ZNF398: variants seen among roughly 807,000 people sequenced by gnomAD.
ZNF398 encodes the protein zinc finger DNA binding protein ZER6.
Under a neutral mutation model 41.9 loss-of-function variants are expected in ZNF398, and 18 were observed. The observed-to-expected ratio is 0.43, with a 90% CI of 0.30 to 0.64. The LOEUF (loss-of-function observed/expected upper bound fraction) is 0.64. Ranked by LOEUF, ZNF398 falls within the 30% of genes least tolerant of loss-of-function variation. The pLI is 0.14. For synonymous variants in ZNF398, 260 were observed against 308.8 expected (o/e 0.84, Z 1.66); for missense variants, 669 against 822.8 (o/e 0.81, Z 2.29).
intron 4 of ZNF398, among the ~76,000 whole-genome samples, chr7:149,173,607 G>A (rs1795396556): frequency 6.6e-6 from 1 of 152,048 alleles, no homozygotes. Flanking sequence ...CAGAGCTTGT[G>A]GGTGACCAGG....
intron 2 of ZNF398, among the ~76,000 whole-genome samples, chr7:149,163,107 A>G (rs1795144933): frequency 6.6e-6 from 1 of 152,250 alleles, no homozygotes; most frequent in African/African-American, 2.4e-5. Context: ...AGTTACAGTC[A>G]GGTCCCAGTA....
chr7:149,157,069 T>G (rs1794995555), intron 2 of ZNF398, among the ~76,000 whole-genome samples: 1 of 152,128 alleles, frequency 6.6e-6, no homozygotes, highest in South Asian at 2.1e-4. Context: ...GTTTACTGTC[T>G]CAGGCTTTCG....
At chr7:149,128,780 T>TAAAATAAAATAAAATAAAATAATATAATA (rs71192757) in intron 1 of ZNF398, 1 of 143,420 alleles carries the variant, frequency 7.0e-6, no homozygotes, top group Non-Finnish European at 1.5e-5. Flanking sequence ...TAAAATAAAA[T>TAAAATAAAATAAAATAAAATAATATAATA]TATATATATA....
chr7:149,148,861 G>GTTTTTT (rs1585513329), intron 1 of ZNF398, among the ~76,000 whole-genome samples: 1 of 29,854 alleles, frequency 3.3e-5, no homozygotes, highest in Non-Finnish European at 7.5e-5. Flanking sequence ...CTTTTTCTTT[G>GTTTTTT]TCTTTTTTTT....
chr7:149,161,111 C>G (rs1026762283), intron 2 of ZNF398, among the ~76,000 whole-genome samples: 5 of 152,160 alleles, frequency 3.3e-5, no homozygotes, highest in Non-Finnish European at 7.3e-5. Flanking sequence ...TGCCTTCTCC[C>G]TGTCCCACCA....
upstream of ZNF398, among the ~76,000 whole-genome samples, chr7:149,145,380 GC>G (rs1826912807): frequency 6.6e-6 from 1 of 152,024 alleles, no homozygotes; most frequent in Non-Finnish European, 1.5e-5. Flanking sequence ...CTGCACTTCG[GC>G]CTACTTCCTT....
intron 2 of ZNF398, among the ~76,000 whole-genome samples, chr7:149,158,502 A>G (rs1432416310): frequency 6.6e-6 from 1 of 152,190 alleles, no homozygotes; most frequent in South Asian, 2.1e-4. Context: ...TTGTTTGTGC[A>G]TCTGGAGCTC....
chr7:149,176,551 G>A lies in ZNF398; in HGVS notation c.745G>A (p.Glu249Lys). ...GGTTGGGGCCCCACCGGAGTCCAAG[G>A]AGAGTGACGTGTACAAAAGCACTTA... Reference protein sequence around the residue: ...PQVGAPPESKESDVYKSTYAD... With the variant: ...PQVGAPPESKKSDVYKSTYAD... The change falls in exon 5 of 6, where the codon GAG becomes AAG. Residue 249 changes from glutamate to lysine, a missense_variant. By Grantham distance (56) the Glu-to-Lys change is moderately conservative. Around this residue, in one of 3 missense-constraint regions of ZNF398, gnomAD observed 290 missense variants for 292.9 expected, o/e 0.99. Transcript: ENST00000475153. The A allele has an allele frequency of 6.2e-7, 1 of 1,611,470 alleles. No homozygotes were observed. The highest frequency in any genetic ancestry group is 8.5e-7 in the Non-Finnish European group (1 of 1,179,282).
intron 2 of ZNF398, among the ~76,000 whole-genome samples, chr7:149,159,281 A>T (rs1047166296): frequency 6.6e-6 from 1 of 151,948 alleles, no homozygotes; most frequent in Non-Finnish European, 1.5e-5. Context: ...AATGCATTTG[A>T]TTCTAGTCAA....
At chr7:149,149,094 A>G (rs1336988945) in intron 1 of ZNF398, among the ~76,000 whole-genome samples, 1 of 151,800 alleles carries the variant, frequency 6.6e-6, no homozygotes, top group Non-Finnish European at 1.5e-5. Context: ...ACTTGAGTCC[A>G]GGAGTTCGAG....
At chr7:149,142,128 C>T (rs890742809) in intron 2 of ZNF398, among the ~76,000 whole-genome samples, 2 of 152,008 alleles carry the variant, frequency 1.3e-5, no homozygotes, top group Non-Finnish European at 2.9e-5. Flanking sequence ...GTTTTTAGAG[C>T]TTGTAGAGAT....
chr7:149,148,863 C>CTTTTTTTTTTTTTTTTTTTTTTTT lies in ZNF398; in HGVS notation c.24+1102_24+1125dup, dbSNP rs59895177. On this transcript the variant is annotated intron_variant, in intron 1 of 5. Coordinates refer to ENST00000475153, the MANE Select transcript of ZNF398 (RefSeq NM_170686.3). ...TTTATGCACGGACCTTTTTCTTTGT[C>CTTTTTTTTTTTTTTTTTTTTTTTT]TTTTTTTTTTTTTTTTTTTTTTTTT... is the stretch of plus-strand genomic sequence containing the variant. Among the ~76,000 whole-genome samples, 12 of 63,280 alleles carry CTTTTTTTTTTTTTTTTTTTTTTTT rather than the reference C, an allele frequency of 1.9e-4. 3 individuals are homozygous for CTTTTTTTTTTTTTTTTTTTTTTTT. Among genetic ancestry groups the CTTTTTTTTTTTTTTTTTTTTTTTT allele is most frequent in the African/African-American group, 3.5e-4 (5 of 14,454 alleles). The allele number at this position is 63,280 out of a possible 152,430, so 41.5% of individuals were successfully genotyped here. A position where few individuals can be genotyped will look rare whatever the true frequency, so the allele number is the denominator to read the frequency against.
intron 2 of ZNF398, among the ~76,000 whole-genome samples, chr7:149,160,306 C>CT (rs368679798): frequency 1.8e-4 from 27 of 152,220 alleles, no homozygotes; most frequent in African/African-American, 6.5e-4. Context: ...TGGTGGGGGC[C>CT]TGTAGTCCCA....
intron 2 of ZNF398, among the ~76,000 whole-genome samples, chr7:149,164,075 G>A (rs1414507235): frequency 1.3e-5 from 2 of 151,648 alleles, no homozygotes; most frequent in Non-Finnish European, 2.9e-5. Flanking sequence ...TAGCGTCACT[G>A]CACTCCAGCC....
upstream of ZNF398, among the ~76,000 whole-genome samples, chr7:149,142,624 G>A (rs534591278): frequency 3.4e-4 from 52 of 152,308 alleles, no homozygotes; most frequent in African/African-American, 1.2e-3. Context: ...CCAAGATCGC[G>A]CCACTGCACT....
chr7:149,131,578 C>T (rs919960483), intron 2 of ZNF398, among the ~76,000 whole-genome samples: 2 of 152,054 alleles, frequency 1.3e-5, no homozygotes, highest in East Asian at 3.9e-4. Context: ...CCCAGCTACT[C>T]GGGAGGCTGA....
At chr7:149,161,245 T>C (rs991967632) in intron 2 of ZNF398, among the ~76,000 whole-genome samples, 1 of 152,052 alleles carries the variant, frequency 6.6e-6, no homozygotes, top group African/African-American at 2.4e-5. Context: ...CCAAAAAATA[T>C]TGAGGAAAGG....
At chr7:149,169,867 C>T (rs1255605241) in intron 4 of ZNF398, among the ~76,000 whole-genome samples, 1 of 152,120 alleles carries the variant, frequency 6.6e-6, no homozygotes, top group African/African-American at 2.4e-5. Flanking sequence ...TATGGTTGTA[C>T]TCACAGCAAG....
intron 1 of ZNF398, among the ~76,000 whole-genome samples, chr7:149,150,370 A>G (rs1291099013): frequency 6.6e-6 from 1 of 152,096 alleles, no homozygotes; most frequent in Non-Finnish European, 1.5e-5. Context: ...AGGCTGAGGC[A>G]GGTGGATCAC....
Sources: gnomAD v4.1 joint callset for allele counts (sites outside exome capture counted in the v4.1 genomes callset) on GRCh38, gnomAD v4.1.1 for gene constraint, gnomAD v4.1.1 regional missense constraint, MANE v1.5 for transcripts, NCBI Gene and HGNC (gene_info 2026-07-23, HGNC 2026-07-21) for gene names.